The following ARFGEF3 variants were observed in gnomAD, a reference collection of about 807,000 sequenced individuals.
The protein encoded by ARFGEF3 is ARFGEF family member 3.
In ARFGEF3, 96 loss-of-function variants were observed where a neutral mutation model predicts 221.7. That is an observed-to-expected ratio of 0.43 (90% CI 0.37 to 0.51). The LOEUF (loss-of-function observed/expected upper bound fraction) is 0.51, where lower values mean the gene tolerates loss of function less well. ARFGEF3 is among the 20% of genes least tolerant of loss of function. The pLI is 0.00. For synonymous variants in ARFGEF3, 1,145 were observed against 1,126.8 expected (o/e 1.02, Z -0.32); for missense variants, 2,410 against 2,789.9 (o/e 0.86, Z 3.07).
intron 12 of ARFGEF3, among the ~76,000 whole-genome samples, chr6:138,276,369 T>C (rs902113698): frequency 2.0e-5 from 3 of 152,224 alleles, no homozygotes; most frequent in Admixed American, 1.3e-4. Context: ...GTTTGAGCCA[T>C]GATACCAACA....
rs1312391258 is a variant in ARFGEF3 at position 138,334,464 on chromosome 6, G to T, written c.5618G>T (p.Arg1873Ile). Residue 1873 changes from arginine to isoleucine, a missense_variant, in exon 33 of 34, where the codon AGA (arginine) becomes ATA (isoleucine). This residue lies in a region of ARFGEF3 where 723 missense variants were observed against 991.9 expected (regional missense o/e 0.73). Coordinates refer to ENST00000251691, the MANE Select transcript of ARFGEF3 (RefSeq NM_020340.5). This position sits in a 1 kb window ranked among gnomAD's most constrained non-coding sequence, Gnocchi z 5.1. ...GAAACCGCCCAGGTCAGCCCCCCGA[G>T]AGGCAAGGAGAAGAGACAGTGGCGG... ...FEETAQVSPPRGKEKRQWRAR... is the reference protein window; with the variant it reads ...FEETAQVSPPIGKEKRQWRAR... The T allele has an allele frequency of 1.2e-6, 2 of 1,612,032 alleles. No homozygotes were observed. Among genetic ancestry groups the T allele is most frequent in the Non-Finnish European group, 1.7e-6 (2 of 1,179,398 alleles).
rs536825584 is a variant in ARFGEF3, at chr6:138,311,580, G to C, written c.4200+70G>C. 3.5e-5 allele frequency: 37 copies of C among 1,062,526 alleles called. No homozygotes were observed. The African/African-American group carries it at 4.5e-4, about 13-fold the overall frequency. The allele number at this position is 1,062,526 out of a possible 1,614,324, so 65.8% of individuals were successfully genotyped here. A position where few individuals can be genotyped will look rare whatever the true frequency, so the allele number is the denominator to read the frequency against. Reference sequence around the variant, plus strand: ...CGGAACATGCTGCCAAAACATGCGTGGGGGGTCTTTTGCTGAAGCCCGAGA... The same window carrying C: ...CGGAACATGCTGCCAAAACATGCGTCGGGGGTCTTTTGCTGAAGCCCGAGA... On this transcript the variant is annotated intron_variant, in intron 25 of 33. Coordinates refer to ENST00000251691, the MANE Select transcript of ARFGEF3 (RefSeq NM_020340.5).
chr6:138,223,861 A>C (rs1218968251), intron 4 of ARFGEF3, among the ~76,000 whole-genome samples: 1 of 152,228 alleles, frequency 6.6e-6, no homozygotes, highest in Non-Finnish European at 1.5e-5. Context: ...CAGAATGTTC[A>C]TTACAGCTTA....
At chr6:138,174,735 G>A (rs1450965034) in intron 2 of ARFGEF3, among the ~76,000 whole-genome samples, 2 of 151,988 alleles carry the variant, frequency 1.3e-5, no homozygotes, top group Non-Finnish European at 2.9e-5. Context: ...GGGCTACAGG[G>A]ATCATTCATA....
chr6:138,225,232 C>T (rs1778061430), intron 4 of ARFGEF3, among the ~76,000 whole-genome samples: 1 of 152,208 alleles, frequency 6.6e-6, no homozygotes, highest in South Asian at 2.1e-4. Flanking sequence ...ATTGGCCTGA[C>T]CAGCCCTAAT....
intron 2 of ARFGEF3, among the ~76,000 whole-genome samples, chr6:138,181,707 G>T: frequency 6.6e-6 from 1 of 152,200 alleles, no homozygotes; most frequent in Non-Finnish European, 1.5e-5. Context: ...GCCTCCCAAA[G>T]TGCTGGGATT....
At chr6:138,243,348 A>C (rs1023163132) in intron 7 of ARFGEF3, among the ~76,000 whole-genome samples, 4 of 152,200 alleles carry the variant, frequency 2.6e-5, no homozygotes, top group Non-Finnish European at 5.9e-5. Flanking sequence ...TAGAAACCTG[A>C]TTGGCATACA....
chr6:138,280,644 A>G (rs1227319679), intron 14 of ARFGEF3, among the ~76,000 whole-genome samples: 4 of 152,230 alleles, frequency 2.6e-5, no homozygotes, highest in African/African-American at 9.6e-5. Context: ...TGAGGTCAGG[A>G]GTTCGAGACC....
At position 138,336,406 on chromosome 6, in the gene ARFGEF3, C is replaced by A. The variant is rs1482232418; in HGVS notation, c.6454C>A (p.His2152Asn). 6.2e-7 allele frequency: 1 copy of A among 1,613,542 alleles called. No homozygotes were observed. Among genetic ancestry groups the A allele is most frequent in the Non-Finnish European group, 8.5e-7 (1 of 1,179,720 alleles). The change falls in exon 34 of 34, where the codon CAC becomes AAC. Residue 2152 changes from histidine to asparagine, a missense_variant. Physicochemically the swap from His to Asn is moderately conservative, Grantham distance 68. This residue lies in a region of ARFGEF3 where 339 missense variants were observed against 334.9 expected (regional missense o/e 1.01). Transcript: ENST00000251691. ...CCCGTGCATCAGTCAGCTGACCTGT[C>A]ACGTGACCGACATCAGAGTTCGCCA... ...VFPCISQLTC[H>N]VTDIRVRQAV...
intron 18 of ARFGEF3, among the ~76,000 whole-genome samples, chr6:138,290,175 A>G (rs9376339): frequency 0.24 from 36,264 of 152,168 alleles, 4,631 homozygotes; most frequent in East Asian, 0.5. Context: ...TTTGAAGAAC[A>G]GGGGACAGAA....
At chr6:138,305,226 C>A (rs925617139) in intron 22 of ARFGEF3, among the ~76,000 whole-genome samples, 2 of 151,550 alleles carry the variant, frequency 1.3e-5, no homozygotes, top group Non-Finnish European at 2.9e-5. Context: ...ATGGGGCCTG[C>A]GTTTCTGTGA....
rs925291086 is a variant in ARFGEF3 at position 138,162,222 on chromosome 6, C to T, written c.85+51C>T. 16 of 1,431,198 alleles carry T rather than the reference C, an allele frequency of 1.1e-5. No homozygotes were observed. Among genetic ancestry groups the T allele is most frequent in the African/African-American group, 4.4e-5 (3 of 68,454 alleles). The allele number at this position is 1,431,198 out of a possible 1,614,324, so 88.7% of individuals were successfully genotyped here. On this transcript the variant is annotated intron_variant, in intron 1 of 33. Transcript: ENST00000251691. This position sits in a 1 kb window ranked among gnomAD's most constrained non-coding sequence, Gnocchi z 4.7. ...CGGCGGGAGGGCCGCGCGGCCGGGG[C>T]TGAACCCGCGCCTCCGCGCGTGGGG...
At chr6:138,264,119 A>G (rs1778841580) in intron 12 of ARFGEF3, among the ~76,000 whole-genome samples, 1 of 152,328 alleles carries the variant, frequency 6.6e-6, no homozygotes, top group African/African-American at 2.4e-5. Flanking sequence ...GTAACGTTGC[A>G]TTCTCCCATC....
intron 4 of ARFGEF3, among the ~76,000 whole-genome samples, chr6:138,227,048 T>G (rs1778098618): frequency 6.6e-6 from 1 of 152,066 alleles, no homozygotes; most frequent in South Asian, 2.1e-4. Context: ...ATTTTGTTTT[T>G]TTTTTTTCCA....
rs1052512921 is a variant in ARFGEF3 at position 138,262,100 on chromosome 6, C to T, written c.1217+461C>T. The stretch of plus-strand genomic sequence containing the variant: ...AGCATAATACAAAAGTGAGGTTGTT[C>T]GGGAAAGTCATAAATACTCATCAGG... On this transcript the variant is annotated intron_variant, in intron 11 of 33. Transcript: ENST00000251691. Among the ~76,000 whole-genome samples the T allele has an allele frequency of 7.9e-5, 12 of 151,458 alleles. 1 individual carries two copies. The highest frequency in any genetic ancestry group is 6.2e-4 in the South Asian group (3 of 4,808).
intron 4 of ARFGEF3, chr6:138,218,610 G>A (rs1777920939): frequency 1.1e-6 from 1 of 871,360 alleles, no homozygotes; most frequent in Non-Finnish European, 1.6e-6. Flanking sequence ...GAAGAGCTCT[G>A]TAATTATTGT....
At chr6:138,306,880 G>A (rs1779733765) in intron 22 of ARFGEF3, among the ~76,000 whole-genome samples, 1 of 133,002 alleles carries the variant, frequency 7.5e-6, no homozygotes, top group East Asian at 2.4e-4. Context: ...CCATTAAAAA[G>A]TAAAACTTTT....
intron 4 of ARFGEF3, among the ~76,000 whole-genome samples, chr6:138,215,752 A>G (rs1196856661): frequency 2.0e-5 from 3 of 152,080 alleles, no homozygotes; most frequent in South Asian, 4.2e-4. Context: ...TTCCCGTGAT[A>G]ATGATATTCC....
At chr6:138,196,698 T>A (rs901704387) in intron 2 of ARFGEF3, among the ~76,000 whole-genome samples, 2 of 152,234 alleles carry the variant, frequency 1.3e-5, no homozygotes, top group Admixed American at 6.5e-5. Context: ...TACTGTGACT[T>A]TTTTGATCCT....
Sources: allele counts gnomAD v4.1 joint callset (sites outside exome capture counted in the v4.1 genomes callset), GRCh38; gene constraint gnomAD v4.1.1; regional missense constraint gnomAD v4.1.1; non-coding constraint Gnocchi (gnomAD v3.1); transcripts MANE v1.5; gene names NCBI Gene and HGNC (gene_info 2026-07-23, HGNC 2026-07-21).